The following PCDH9 variants were observed in gnomAD, a reference collection of about 807,000 sequenced individuals.
PCDH9 encodes the protein protocadherin 9, also known as protocadherin-9.
A neutral mutation model predicts 70.6 loss-of-function variants in PCDH9; 24 were observed. The observed-to-expected ratio is 0.34, with a 90% confidence interval of 0.25 to 0.48. The LOEUF is 0.48. PCDH9 is among the 20% of genes least tolerant of loss of function. The pLI is 0.99. For synonymous variants in PCDH9, 562 were observed against 558.5 expected, an observed-to-expected ratio of 1.01 and a Z score of -0.09; for missense variants, 1,281 against 1,503.6, an observed-to-expected ratio of 0.85 and a Z score of 2.45.
chr13:66,409,898 A>G (rs1449301880), intron 4 of PCDH9, among the ~76,000 whole-genome samples: 2 of 152,118 alleles, frequency 1.3e-5, no homozygotes, highest in East Asian at 3.9e-4. Context: ...TGCCTACTCC[A>G]CATTCTGAAA....
At chr13:67,036,512 C>A (rs896086920) in intron 2 of PCDH9, among the ~76,000 whole-genome samples, 2 of 152,130 alleles carry the variant, frequency 1.3e-5, no homozygotes, top group African/African-American at 4.8e-5. Flanking sequence ...GATCAAACTG[C>A]CATGCAACTT....
chr13:67,138,374 T>C (rs1015225156), intron 2 of PCDH9, among the ~76,000 whole-genome samples: 1 of 152,134 alleles, frequency 6.6e-6, no homozygotes, highest in Non-Finnish European at 1.5e-5. Flanking sequence ...TTAAAAATAT[T>C]ATTATAACGG....
At chr13:66,587,506 G>A (rs2076979054) in intron 4 of PCDH9, among the ~76,000 whole-genome samples, 1 of 152,124 alleles carries the variant, frequency 6.6e-6, no homozygotes, top group Non-Finnish European at 1.5e-5. Flanking sequence ...ACCACCTTCA[G>A]TAACCATGAA....
chr13:67,005,296 C>A (rs541479411), intron 2 of PCDH9, among the ~76,000 whole-genome samples: 7 of 151,834 alleles, frequency 4.6e-5, no homozygotes, highest in Admixed American at 4.6e-4. Flanking sequence ...TTGGTGAAGT[C>A]AGGGGATTTT....
intron 3 of PCDH9, among the ~76,000 whole-genome samples, chr13:66,840,413 T>C (rs570792858): frequency 1.2e-4 from 19 of 152,322 alleles, no homozygotes; most frequent in African/African-American, 4.6e-4. Flanking sequence ...TGGGCATTGA[T>C]ATGTTTATGT....
intron 4 of PCDH9, among the ~76,000 whole-genome samples, chr13:66,316,092 C>G (rs558069977): frequency 6.6e-6 from 1 of 152,214 alleles, no homozygotes; most frequent in South Asian, 2.1e-4. Flanking sequence ...TGACTCCTCC[C>G]TCTATCTTCA....
At chr13:67,000,776 A>C (rs1594373931) in intron 2 of PCDH9, among the ~76,000 whole-genome samples, 1 of 152,284 alleles carries the variant, frequency 6.6e-6, no homozygotes, top group African/African-American at 2.4e-5. Flanking sequence ...TAAAAAGGGG[A>C]TTTCCAGATT....
chr13:66,596,199 C>A (rs1251353072), intron 4 of PCDH9, among the ~76,000 whole-genome samples: 1 of 151,492 alleles, frequency 6.6e-6, no homozygotes, highest in Non-Finnish European at 1.5e-5. Flanking sequence ...TTATTTCATG[C>A]ACAACAAATG....
intron 3 of PCDH9, among the ~76,000 whole-genome samples, chr13:66,874,611 A>C (rs1213202851): frequency 6.6e-6 from 1 of 152,164 alleles, no homozygotes; most frequent in African/African-American, 2.4e-5. Context: ...TAACAATTAT[A>C]TTACAAAACT....
At chr13:66,546,240 G>T (rs1593654511) in intron 4 of PCDH9, among the ~76,000 whole-genome samples, 1 of 151,690 alleles carries the variant, frequency 6.6e-6, no homozygotes, top group East Asian at 1.9e-4. Context: ...CTAGAAGAAG[G>T]CATTGTTATC....
intron 3 of PCDH9, among the ~76,000 whole-genome samples, chr13:66,734,219 A>G (rs1334145184): frequency 6.6e-6 from 1 of 152,220 alleles, no homozygotes; most frequent in African/African-American, 2.4e-5. Flanking sequence ...TGAAAGCCCA[A>G]TAAAATATCT....
At chr13:66,976,040 GC>G (rs1032930394) in intron 2 of PCDH9, among the ~76,000 whole-genome samples, 1 of 151,898 alleles carries the variant, frequency 6.6e-6, no homozygotes, top group African/African-American at 2.4e-5. Context: ...GAAAAATAGG[GC>G]CTTCAAGAAA....
chr13:66,783,552 C>T (rs546421584), intron 3 of PCDH9, among the ~76,000 whole-genome samples: 1 of 152,206 alleles, frequency 6.6e-6, no homozygotes, highest in East Asian at 1.9e-4. Flanking sequence ...ACATAGTCTC[C>T]TACCAAAATC....
chr13:66,495,312 T>C (rs1329907349), intron 4 of PCDH9, among the ~76,000 whole-genome samples: 3 of 152,186 alleles, frequency 2.0e-5, no homozygotes, highest in Non-Finnish European at 2.9e-5. Context: ...TTCAGGTACA[T>C]TACAGGCAGG....
intron 3 of PCDH9, among the ~76,000 whole-genome samples, chr13:66,864,014 C>T (rs1342783459): frequency 6.6e-6 from 1 of 151,952 alleles, no homozygotes; most frequent in Non-Finnish European, 1.5e-5. Flanking sequence ...GGACAAGTGC[C>T]GAGTAAAAGG....
At chr13:66,778,294 T>TA (rs2079933897) in intron 3 of PCDH9, among the ~76,000 whole-genome samples, 1 of 151,972 alleles carries the variant, frequency 6.6e-6, no homozygotes. Context: ...ATAATAATAA[T>TA]AAAAATACTC....
intron 3 of PCDH9, among the ~76,000 whole-genome samples, chr13:66,902,674 T>C (rs555879944): frequency 6.6e-6 from 1 of 151,892 alleles, no homozygotes; most frequent in Admixed American, 6.6e-5. Flanking sequence ...TTAATATTAG[T>C]TAACTATTAA....
rs71110636 is a variant in PCDH9, at chr13:67,189,207, C to CGTGTGTGT, written c.3036+36190_3036+36197dup. Among the ~76,000 whole-genome samples the CGTGTGTGT allele has an allele frequency of 1.2e-3, 183 of 149,574 alleles. 2 individuals carry two copies. The South Asian group carries it at 0.019, about 16-fold the overall frequency. On this transcript the variant is annotated intron_variant, in intron 2 of 4. Coordinates refer to ENST00000377865, the MANE Select transcript of PCDH9 (RefSeq NM_203487.3). ...ACACATATATACATATACATATATA[C>CGTGTGTGT]GTGTGTGTGTGTGTGTGTGTATCTC...
intron 4 of PCDH9, among the ~76,000 whole-genome samples, chr13:66,421,891 G>T (rs142226851): frequency 1.3e-4 from 20 of 152,058 alleles, no homozygotes; most frequent in Non-Finnish European, 1.9e-4. Context: ...AAGACCCATC[G>T]GTGTGCTGTA....
Sources: allele counts gnomAD v4.1 joint callset (sites outside exome capture counted in the v4.1 genomes callset), GRCh38; gene constraint gnomAD v4.1.1; transcripts MANE v1.5; gene names NCBI Gene and HGNC (gene_info 2026-07-23, HGNC 2026-07-21).